LRP5: variants seen among roughly 807,000 people sequenced by gnomAD.
LRP5 encodes low-density lipoprotein receptor-related protein 5.
In LRP5, 62 loss-of-function variants were observed where a neutral mutation model predicts 154.1. That is an observed-to-expected ratio of 0.40 (90% confidence interval 0.33 to 0.50). LRP5 has a LOEUF of 0.50. LRP5 is among the 20% of genes least tolerant of loss of function. The pLI is 0.55. For missense variants in LRP5, 1,915 were observed against 2,336.7 expected (o/e 0.82, Z 3.72); for synonymous variants, 966 against 1,011.5 (o/e 0.96, Z 0.85).
At chr11:68,429,842 C>G (rs1165748706) in intron 17 of LRP5, 142 bp downstream of exon 17, 2 of 1,086,156 alleles carry the variant, frequency 1.8e-6, no homozygotes, top group East Asian at 2.5e-5. Context: ...CCTTTGCCCT[C>G]CTTTCTTTTC....
At chr11:68,365,833 G>A in intron 5 of LRP5, 131 bp downstream of exon 5, 1 of 942,884 alleles carries the variant, frequency 1.1e-6, no homozygotes, top group Non-Finnish European at 1.6e-6. Flanking sequence ...CGGGTGTGGT[G>A]ATTCAAGTCT....
chr11:68,396,356 G>A (rs74324118), intron 7 of LRP5, among the ~76,000 whole-genome samples: 258 of 152,310 alleles, frequency 1.7e-3, no homozygotes, highest in Middle Eastern at 3.4e-3. Context: ...GGGGAGTGGT[G>A]GGAGAGAGGA....
At chr11:68,311,668 G>A (rs1437353622), upstream of LRP5, among the ~76,000 whole-genome samples, 1 of 152,256 alleles carries the variant, frequency 6.6e-6, no homozygotes, top group East Asian at 1.9e-4. Context: ...GAACACACAC[G>A]TTCACGGGCA....
intron 5 of LRP5, among the ~76,000 whole-genome samples, chr11:68,376,713 C>T (rs1247849264): frequency 3.3e-5 from 5 of 152,244 alleles, no homozygotes; most frequent in Admixed American, 2.0e-4. Flanking sequence ...TACAAGTAAC[C>T]GCTGCTGTCC....
rs764659105 is a variant in LRP5 at position 68,416,473 on chromosome 11, C to G, written c.2973C>G (p.Ile991Met). 2.5e-5 allele frequency: 40 copies of G among 1,613,980 alleles called. No individual in the cohort carries two copies. The East Asian group carries it at 8.7e-4, about 35-fold the overall frequency. The part of the protein sequence containing the change: ...AIDYDPLDKF[I>M]YWVDGRQNIK... ...ACTATGACCCACTGGACAAGTTCATCTACTGGGTGGATGGGCGCCAGAACA... is the reference window on the plus strand; with the variant it reads ...ACTATGACCCACTGGACAAGTTCATGTACTGGGTGGATGGGCGCCAGAACA... The change falls in exon 13 of 23, where the codon ATC becomes ATG. Residue 991 changes from isoleucine (I) to methionine (M), a missense_variant. By Grantham distance (10) the Ile-to-Met change is conservative. Around this residue, in one of 3 missense-constraint regions of LRP5, gnomAD observed 1,094 missense variants for 1,210.1 expected, o/e 0.90. Transcript: ENST00000294304.
At chr11:68,416,568 G>A in intron 13 of LRP5, 41 bp downstream of exon 13, 1 of 1,592,720 alleles carries the variant, frequency 6.3e-7, no homozygotes, top group East Asian at 2.2e-5. Context: ...TGCTTCCCAA[G>A]GCGCTCCTCT....
chr11:68,424,310 T>G (rs2098667472), intron 14 of LRP5, among the ~76,000 whole-genome samples: 1 of 152,154 alleles, frequency 6.6e-6, no homozygotes, highest in Non-Finnish European at 1.5e-5. Context: ...CCAGCACAGG[T>G]CCTGGGCCGG....
chr11:68,409,345 T>A (rs1480433065), intron 9 of LRP5, among the ~76,000 whole-genome samples: 1 of 145,948 alleles, frequency 6.9e-6, no homozygotes, highest in Non-Finnish European at 1.5e-5. Context: ...GTATATTTTT[T>A]AATGTATGAT....
Position 68,449,122 on chromosome 11 carries a change from A to G in LRP5, c.*52A>G. On this transcript the variant is annotated 3_prime_UTR_variant, in exon 23 of 23. Coordinates refer to ENST00000294304, the MANE Select transcript of LRP5 (RefSeq NM_002335.4). ...TGTGCCCCTGTAAATAGTTTTAAAT[A>G]TGAACAAAGAAAAAAATATATTTTA... The G allele has an allele frequency of 7.2e-7, 1 of 1,397,400 alleles. No homozygotes were observed. The highest frequency in any genetic ancestry group is 9.5e-7 in the Non-Finnish European group (1 of 1,054,552). 86.6% of individuals were successfully genotyped at this position (1,397,400 alleles called of 1,614,324 possible). A position where few individuals can be genotyped will look rare whatever the true frequency, so the allele number is the denominator to read the frequency against.
At position 68,446,488 on chromosome 11, in the gene LRP5, A is replaced by G. The variant is rs1386791496; in HGVS notation, c.4541A>G (p.Asp1514Gly). ...ACGGACCCCTCCCTGTACAACATGG[A>G]CATGTTCTACTCTTCAAACATTCCG... The part of the protein sequence containing the change: ...PATDPSLYNM[D>G]MFYSSNIPAT... The change falls in exon 22 of 23, where the codon GAC (aspartate) becomes GGC (glycine). Residue 1514 changes from aspartate to glycine, a missense_variant. By Grantham distance (94) the Asp-to-Gly change is moderately conservative. Coordinates refer to ENST00000294304, the MANE Select transcript of LRP5 (RefSeq NM_002335.4). 1 of 1,614,170 alleles carries G rather than the reference A, an allele frequency of 6.2e-7. No individual in the cohort carries two copies. The highest frequency in any genetic ancestry group is 1.7e-5 in the Admixed American group (1 of 60,032).
chr11:68,436,287 A>G (rs1256083299), intron 18 of LRP5, among the ~76,000 whole-genome samples: 1 of 152,040 alleles, frequency 6.6e-6, no homozygotes, highest in African/African-American at 2.4e-5. Context: ...GGAACTGAGC[A>G]AGTTCTCTGG....
chr11:68,403,820 A>T, intron 8 of LRP5, 121 bp downstream of exon 8: 2 of 1,183,324 alleles, frequency 1.7e-6, no homozygotes, highest in East Asian at 2.5e-5. Context: ...GAAGGGCAGG[A>T]CAGGAAAGGT....
chr11:68,372,046 G>T (rs560073659), intron 5 of LRP5, among the ~76,000 whole-genome samples: 5 of 152,358 alleles, frequency 3.3e-5, no homozygotes, highest in Middle Eastern at 6.8e-3. Flanking sequence ...TAGCGGAAAC[G>T]CAGGTAACGA....
Position 68,413,141 on chromosome 11 carries a change from G to A in LRP5, c.2504-548G>A, listed in dbSNP as rs548819066. On this transcript the variant is annotated intron_variant, in intron 11 of 22. Coordinates refer to ENST00000294304, the MANE Select transcript of LRP5 (RefSeq NM_002335.4). This position sits in a 1 kb window ranked among gnomAD's most constrained non-coding sequence, Gnocchi z 5.1. The stretch of plus-strand genomic sequence containing the variant: ...CGCATGCAAACCTGTTGCCAGGCGA[G>A]AAACCAGTCACCGCACAGCTGTGGT... The A allele has an allele frequency of 2.9e-4, 59 of 204,628 alleles. No individual in the cohort carries two copies. Among genetic ancestry groups the A allele is most frequent in the African/African-American group, 1.3e-3 (55 of 43,474 alleles). The allele number at this position is 204,628 out of a possible 1,614,324, so 12.7% of individuals were successfully genotyped here.
At chr11:68,446,121 A>T (rs1297463402) in intron 21 of LRP5, among the ~76,000 whole-genome samples, 2 of 152,242 alleles carry the variant, frequency 1.3e-5, no homozygotes, top group African/African-American at 4.8e-5. Context: ...GGCCAGCCAC[A>T]AAGGGAACTG....
upstream of LRP5, among the ~76,000 whole-genome samples, chr11:68,312,244 A>T (rs982107922): frequency 1.6e-4 from 24 of 151,984 alleles, no homozygotes; most frequent in African/African-American, 5.8e-4. Context: ...GCCCGCCCTG[A>T]AACTGCCTCG....
chr11:68,305,794 C>T, the LRP5 span, among the ~76,000 whole-genome samples: 95 of 152,308 alleles, frequency 6.2e-4, no homozygotes, highest in Middle Eastern at 3.4e-3. Context: ...CTGCACAAGC[C>T]ACTACCTCTC....
At chr11:68,337,633 C>T (rs986614673) in intron 1 of LRP5, among the ~76,000 whole-genome samples, 4 of 152,044 alleles carry the variant, frequency 2.6e-5, no homozygotes, top group African/African-American at 7.3e-5. Context: ...CCAGATCTTC[C>T]TCTGTCTAGG....
intron 7 of LRP5, among the ~76,000 whole-genome samples, chr11:68,398,685 A>G (rs2098650942): frequency 6.6e-6 from 1 of 152,042 alleles, no homozygotes; most frequent in Non-Finnish European, 1.5e-5. Flanking sequence ...TGACCCATGA[A>G]AATTATATGG....
Sources: gnomAD v4.1 joint callset for allele counts (sites outside exome capture counted in the v4.1 genomes callset) on GRCh38, gnomAD v4.1.1 for gene constraint, gnomAD v4.1.1 regional missense constraint, Gnocchi (gnomAD v3.1) non-coding constraint, MANE v1.5 for transcripts, NCBI Gene and HGNC (gene_info 2026-07-23, HGNC 2026-07-21) for gene names.